The following METTL15 variants were observed in gnomAD, a reference collection of about 807,000 sequenced individuals.
METTL15 encodes the protein methyltransferase 15, mitochondrial 12S rRNA N4-cytidine.
Under a neutral mutation model 38.3 loss-of-function variants are expected in METTL15, and 34 were observed. The observed-to-expected ratio is 0.89, with a 90% CI of 0.68 to 1.18. The LOEUF is 1.18. Among genes scored for constraint, METTL15 ranks in the 50% most tolerant of loss-of-function variants. METTL15 has a pLI of 0.00. For synonymous variants in METTL15, 162 were observed against 170.9 expected (o/e 0.95, Z 0.41); for missense variants, 438 against 498.4 (o/e 0.88, Z 1.15).
intron 4 of METTL15, among the ~76,000 whole-genome samples, chr11:28,244,981 C>T (rs1458794526): frequency 1.3e-5 from 2 of 152,106 alleles, no homozygotes; most frequent in African/African-American, 2.4e-5. Context: ...GTTTAATCCC[C>T]GGAAATACAA....
At chr11:28,207,901 G>A (rs1487070576) in intron 3 of METTL15, among the ~76,000 whole-genome samples, 2 of 152,112 alleles carry the variant, frequency 1.3e-5, no homozygotes, top group Non-Finnish European at 2.9e-5. Context: ...TTGCATAGAG[G>A]TGTTTGTAAT....
At chr11:28,269,907 G>A (rs1312580015) in intron 4 of METTL15, among the ~76,000 whole-genome samples, 3 of 152,172 alleles carry the variant, frequency 2.0e-5, no homozygotes, top group Non-Finnish European at 4.4e-5. Flanking sequence ...TTGGAATTAA[G>A]CAGAGGAAAA....
chr11:28,453,946 C>T (rs1232111754), intron 6 of METTL15, among the ~76,000 whole-genome samples: 1 of 152,210 alleles, frequency 6.6e-6, no homozygotes, highest in African/African-American at 2.4e-5. Context: ...AGTCACACTT[C>T]AGTACATAAT....
At position 28,185,294 on chromosome 11, in the gene METTL15, AT is replaced by A. The variant is rs1168707140; in HGVS notation, c.271-25759del. On this transcript the variant is annotated intron_variant, in intron 3 of 6. Transcript: ENST00000407364. ...AAAAAGAAAGGCAGCTAGAGTACAGATTTTTTTTTAAACAATATTTAATTTT... is the reference window on the plus strand; with the variant it reads ...AAAAAGAAAGGCAGCTAGAGTACAGATTTTTTTTAAACAATATTTAATTTT... Among the ~76,000 whole-genome samples, 11 of 150,920 alleles carry A rather than the reference AT, an allele frequency of 7.3e-5. No individual in the cohort carries two copies. In the East Asian group the frequency reaches 9.7e-4, roughly 13 times the overall value.
intron 6 of METTL15, among the ~76,000 whole-genome samples, chr11:28,320,803 A>G (rs945054439): frequency 1.3e-5 from 2 of 152,180 alleles, no homozygotes; most frequent in Non-Finnish European, 2.9e-5. Context: ...CCTTAGCATC[A>G]ATTACCAAAT....
intron 3 of METTL15, among the ~76,000 whole-genome samples, chr11:28,204,602 G>A (rs1852245747): frequency 6.6e-6 from 1 of 151,864 alleles, no homozygotes; most frequent in Non-Finnish European, 1.5e-5. Context: ...AGAGAGGTAT[G>A]TGAAAGAACC....
chr11:28,372,655 C>A (rs1850257876), intron 5 of METTL15, among the ~76,000 whole-genome samples: 2 of 150,588 alleles, frequency 1.3e-5, no homozygotes. Context: ...TTTTAGGGTA[C>A]ATGTGCACAT....
chr11:28,415,057 G>A (rs1249997000), intron 5 of METTL15, among the ~76,000 whole-genome samples: 1 of 152,156 alleles, frequency 6.6e-6, no homozygotes, highest in African/African-American at 2.4e-5. Flanking sequence ...TCATGTCATT[G>A]GGCACTCCAG....
At chr11:28,311,366 A>G (rs1178700362) in intron 6 of METTL15, among the ~76,000 whole-genome samples, 1 of 152,158 alleles carries the variant, frequency 6.6e-6, no homozygotes, top group Non-Finnish European at 1.5e-5. Context: ...CAGTTCATAT[A>G]TTATTACTTT....
At chr11:28,199,915 T>C (rs933704262) in intron 3 of METTL15, among the ~76,000 whole-genome samples, 4 of 152,006 alleles carry the variant, frequency 2.6e-5, no homozygotes, top group Non-Finnish European at 5.9e-5. Context: ...GGTAATTTTT[T>C]GTATTTTTAG....
intron 6 of METTL15, among the ~76,000 whole-genome samples, chr11:28,469,682 T>C (rs979957204): frequency 6.6e-6 from 1 of 152,148 alleles, no homozygotes; most frequent in African/African-American, 2.4e-5. Context: ...GCAGAGCTGT[T>C]ACAAGAATGT....
At chr11:28,438,429 C>T (rs1851002133) in intron 6 of METTL15, among the ~76,000 whole-genome samples, 1 of 152,122 alleles carries the variant, frequency 6.6e-6, no homozygotes, top group African/African-American at 2.4e-5. Flanking sequence ...TCCTTTGGTC[C>T]CAAATATTTT....
chr11:28,385,602 T>G (rs1468825873), intron 5 of METTL15, among the ~76,000 whole-genome samples: 1 of 152,162 alleles, frequency 6.6e-6, no homozygotes, highest in Non-Finnish European at 1.5e-5. Flanking sequence ...TTCTTTTTGC[T>G]TAGGATTGTC....
chr11:28,370,752 C>T lies in METTL15; in HGVS notation c.*358+8716C>T, dbSNP rs890145418. ...GTCTTTTTTATAGAAGCTGTTTTAA[C>T]TACTGTGAAATGAGATGTAATTGTC... On this transcript the variant is annotated intron_variant and NMD_transcript_variant, in intron 5 of 7. Transcript: ENST00000532947. Among the ~76,000 whole-genome samples the T allele has an allele frequency of 2.0e-5, 3 of 151,898 alleles. No individual in the cohort carries two copies. The East Asian group carries it at 5.8e-4, about 29-fold the overall frequency.
At chr11:28,308,213 C>T (rs1857146954) in intron 6 of METTL15, among the ~76,000 whole-genome samples, 1 of 151,916 alleles carries the variant, frequency 6.6e-6, no homozygotes, top group South Asian at 2.1e-4. Context: ...ATTTTTCTGT[C>T]ATTCATATTT....
chr11:28,309,109 T>C (rs559042893), intron 6 of METTL15, among the ~76,000 whole-genome samples: 101 of 152,328 alleles, frequency 6.6e-4, no homozygotes, highest in African/African-American at 2.2e-3. Context: ...CGAAATTTCA[T>C]GTCAATACTT....
intron 5 of METTL15, among the ~76,000 whole-genome samples, chr11:28,406,633 G>A (rs1351432284): frequency 6.6e-6 from 1 of 152,136 alleles, no homozygotes; most frequent in Non-Finnish European, 1.5e-5. Flanking sequence ...TCTGCAAATA[G>A]AGACAGTTTG....
intron 4 of METTL15, among the ~76,000 whole-genome samples, chr11:28,250,859 A>AGAT (rs1854711580): frequency 6.6e-6 from 1 of 152,050 alleles, no homozygotes; most frequent in South Asian, 2.1e-4. Flanking sequence ...AAAATATATC[A>AGAT]GGTCAACCAC....
At chr11:28,121,986 T>G (rs925601883) in intron 3 of METTL15, among the ~76,000 whole-genome samples, 1 of 152,014 alleles carries the variant, frequency 6.6e-6, no homozygotes, top group African/African-American at 2.4e-5. Flanking sequence ...GCAGAACTAC[T>G]AGACAACAAT....
Sources: allele counts gnomAD v4.1 joint callset (sites outside exome capture counted in the v4.1 genomes callset), GRCh38; gene constraint gnomAD v4.1.1; transcripts MANE v1.5; gene names NCBI Gene and HGNC (gene_info 2026-07-23, HGNC 2026-07-21).